PLXNA4: variants seen among roughly 807,000 people sequenced by gnomAD.
The protein encoded by PLXNA4 is plexin A4, also known as plexin-A4.
Under a neutral mutation model 191.8 loss-of-function variants are expected in PLXNA4, and 44 were observed. The observed-to-expected ratio is 0.23, with a 90% CI of 0.18 to 0.29. The LOEUF is 0.29. PLXNA4 is among the 10% of genes least tolerant of loss of function. The probability of loss-of-function intolerance (pLI) is 1.00; values close to 1 mark genes in which losing one functional copy is unlikely to be tolerated. For missense variants in PLXNA4, 1,800 were observed against 2,488.8 expected (o/e 0.72, Z 5.89); for synonymous variants, 1,082 against 1,009.5 (o/e 1.07, Z -1.36).
At chr7:132,404,318 G>A (rs530867719) in intron 3 of PLXNA4, among the ~76,000 whole-genome samples, 18 of 152,306 alleles carry the variant, frequency 1.2e-4, no homozygotes, top group African/African-American at 3.6e-4. Flanking sequence ...TAGACTATGG[G>A]GGACTCCCCC....
intron 3 of PLXNA4, among the ~76,000 whole-genome samples, chr7:132,365,378 TG>T (rs745992804): frequency 6.3e-5 from 8 of 127,270 alleles, no homozygotes; most frequent in African/African-American, 2.1e-4. Flanking sequence ...CGCGCATGCA[TG>T]GGGCAAGAGT....
intron 4 of PLXNA4, among the ~76,000 whole-genome samples, chr7:132,292,065 G>A (rs1800912716): frequency 6.6e-6 from 1 of 152,190 alleles, no homozygotes; most frequent in Admixed American, 6.5e-5. Flanking sequence ...AAAATGCTGG[G>A]ATTGCAGGCG....
At chr7:132,553,846 C>A (rs543757528) in intron 1 of PLXNA4, among the ~76,000 whole-genome samples, 1 of 152,194 alleles carries the variant, frequency 6.6e-6, no homozygotes, top group South Asian at 2.1e-4. Context: ...ACTTGGTAAA[C>A]AGAAGGCATC....
Position 132,145,103 on chromosome 7 carries a change from C to A in PLXNA4, c.5225+16G>T, listed in dbSNP as rs764695096. The A allele has an allele frequency of 1.2e-6, 2 of 1,613,858 alleles. No individual in the cohort carries two copies. Among genetic ancestry groups the A allele is most frequent in the East Asian group, 4.5e-5 (2 of 44,862 alleles). ...CTCAGGGCTCCCGATGTGCCCCCTG[C>A]CCTCCCTTCACTCACCAATTGCTCT... On this transcript the variant is annotated intron_variant, in intron 29 of 31. Transcript: ENST00000321063.
intron 4 of PLXNA4, among the ~76,000 whole-genome samples, chr7:132,267,099 C>T (rs748837110): frequency 3.9e-5 from 6 of 152,170 alleles, no homozygotes; most frequent in Non-Finnish European, 8.8e-5. Flanking sequence ...TACATAACCA[C>T]CCAAGTAAGG....
intron 2 of PLXNA4, among the ~76,000 whole-genome samples, chr7:132,639,301 C>T (rs1803670263): frequency 1.3e-5 from 2 of 152,136 alleles, no homozygotes; most frequent in South Asian, 4.1e-4. Context: ...GTAGTCTGTG[C>T]CTCAGTTTCC....
intron 3 of PLXNA4, among the ~76,000 whole-genome samples, chr7:132,442,716 C>G (rs1237158261): frequency 6.6e-6 from 1 of 152,212 alleles, no homozygotes; most frequent in Non-Finnish European, 1.5e-5. Context: ...AGACAAAAAA[C>G]AGTCCCAGGC....
At chr7:132,540,259 G>A (rs1262125577) in intron 1 of PLXNA4, among the ~76,000 whole-genome samples, 2 of 152,192 alleles carry the variant, frequency 1.3e-5, no homozygotes, top group Non-Finnish European at 2.9e-5. Flanking sequence ...TTGCTGTGGA[G>A]GGCTGGACGT....
At chr7:132,496,336 G>A (rs1162336877) in intron 2 of PLXNA4, among the ~76,000 whole-genome samples, 1 of 152,150 alleles carries the variant, frequency 6.6e-6, no homozygotes, top group African/African-American at 2.4e-5. Flanking sequence ...CTATCAAGTT[G>A]CTGAGAAAAT....
At chr7:132,572,921 G>A (rs2116772255) in intron 1 of PLXNA4, among the ~76,000 whole-genome samples, 1 of 152,178 alleles carries the variant, frequency 6.6e-6, no homozygotes, top group East Asian at 1.9e-4. Context: ...ATTTATTAGT[G>A]AGACGTCTTT....
intron 3 of PLXNA4, among the ~76,000 whole-genome samples, chr7:132,439,427 A>C (rs1488614042): frequency 6.6e-6 from 1 of 152,252 alleles, no homozygotes; most frequent in Non-Finnish European, 1.5e-5. Context: ...ACACAGGTAC[A>C]CATGGATATA....
At chr7:132,382,145 C>T (rs1804923027) in intron 3 of PLXNA4, among the ~76,000 whole-genome samples, 1 of 152,172 alleles carries the variant, frequency 6.6e-6, no homozygotes, top group African/African-American at 2.4e-5. Flanking sequence ...TAATAGGTCA[C>T]CTGCATTTGT....
intron 3 of PLXNA4, among the ~76,000 whole-genome samples, chr7:132,327,728 C>G (rs1369498717): frequency 6.6e-6 from 1 of 152,190 alleles, no homozygotes; most frequent in Non-Finnish European, 1.5e-5. Context: ...TTGAAATCCT[C>G]TCATAAAATT....
chr7:132,546,010 A>G (rs1800290851), intron 1 of PLXNA4, among the ~76,000 whole-genome samples: 1 of 152,236 alleles, frequency 6.6e-6, no homozygotes, highest in African/African-American at 2.4e-5. Flanking sequence ...CACAATCATC[A>G]TTAGTGAGTC....
At chr7:132,528,076 T>C (rs1799475435) in intron 1 of PLXNA4, among the ~76,000 whole-genome samples, 1 of 152,136 alleles carries the variant, frequency 6.6e-6, no homozygotes, top group South Asian at 2.1e-4. Context: ...AGGACAAGAA[T>C]ATAACTTAAG....
chr7:132,622,071 C>T (rs1193460159), intron 2 of PLXNA4, among the ~76,000 whole-genome samples: 1 of 152,080 alleles, frequency 6.6e-6, no homozygotes, highest in Non-Finnish European at 1.5e-5. Context: ...TGTGTAGAGA[C>T]TTACTACTGG....
chr7:132,190,589 A>G (rs1005975890), intron 14 of PLXNA4, among the ~76,000 whole-genome samples: 2 of 152,198 alleles, frequency 1.3e-5, no homozygotes, highest in South Asian at 2.1e-4. Context: ...CCGGAGGTTT[A>G]GCGCTGCCTA....
intron 3 of PLXNA4, among the ~76,000 whole-genome samples, chr7:132,334,236 TTTTCTTTC>T (rs200472571): frequency 7.3e-6 from 1 of 137,702 alleles, no homozygotes; most frequent in Admixed American, 7.9e-5. Flanking sequence ...ATTTCTTTTC[TTTTCTTTC>T]TTTCTTTCTT....
chr7:132,536,858 C>G (rs1434265361), intron 1 of PLXNA4, among the ~76,000 whole-genome samples: 13 of 152,224 alleles, frequency 8.5e-5, no homozygotes, highest in Admixed American at 8.5e-4. Flanking sequence ...AAGAGACAGT[C>G]ATGAGGAAAG....
Sources: gnomAD v4.1 joint callset for allele counts (sites outside exome capture counted in the v4.1 genomes callset) on GRCh38, gnomAD v4.1.1 for gene constraint, MANE v1.5 for transcripts, NCBI Gene and HGNC (gene_info 2026-07-23, HGNC 2026-07-21) for gene names.